Variants in CPVL observed in about 807,000 individuals in gnomAD.
CPVL encodes the protein carboxypeptidase vitellogenic like.
A neutral mutation model predicts 63.7 loss-of-function variants in CPVL; 51 were observed. That is an observed-to-expected ratio of 0.80 (90% CI 0.64 to 1.01). The LOEUF (loss-of-function observed/expected upper bound fraction) is 1.01. Among genes scored for constraint, CPVL ranks in the 50% least tolerant of loss-of-function variants. CPVL has a pLI of 0.00. For synonymous variants in CPVL, 195 were observed against 206.0 expected, an observed-to-expected ratio of 0.95 and a Z score of 0.46; for missense variants, 530 against 573.1, an observed-to-expected ratio of 0.92 and a Z score of 0.77.
At chr7:29,000,233 G>A (rs997371406) in intron 12 of CPVL, among the ~76,000 whole-genome samples, 1 of 152,002 alleles carries the variant, frequency 6.6e-6, no homozygotes, top group Non-Finnish European at 1.5e-5. Context: ...GCCAGTAAAG[G>A]TTTCCCAGTT....
intron 9 of CPVL, 53 bp downstream of exon 9, chr7:29,071,720 C>CCCCCCCCA: frequency 8.8e-7 from 1 of 1,140,098 alleles, no homozygotes; most frequent in Non-Finnish European, 1.2e-6. Context: ...CCCGCCCTCC[C>CCCCCCCCA]TCCCCAGATG....
At chr7:29,073,866 G>T (rs891468085) in intron 7 of CPVL, among the ~76,000 whole-genome samples, 1 of 152,174 alleles carries the variant, frequency 6.6e-6, no homozygotes, top group East Asian at 1.9e-4. Flanking sequence ...TTGAATGAAT[G>T]AATCTTAAAA....
intron 11 of CPVL, among the ~76,000 whole-genome samples, chr7:29,056,805 G>C (rs917278527): frequency 1.3e-5 from 2 of 152,160 alleles, no homozygotes; most frequent in Non-Finnish European, 2.9e-5. Flanking sequence ...CAGAATGAGA[G>C]TTCCTATTGC....
chr7:29,144,959 C>A (rs139366443), intron 1 of CPVL, among the ~76,000 whole-genome samples: 1 of 151,840 alleles, frequency 6.6e-6, no homozygotes, highest in Non-Finnish European at 1.5e-5. Context: ...CCCTCCCAAA[C>A]AATCATCTCC....
intron 11 of CPVL, among the ~76,000 whole-genome samples, 163 bp downstream of exon 11, chr7:29,063,898 T>C (rs140085023): frequency 1.2e-4 from 18 of 149,910 alleles, no homozygotes; most frequent in South Asian, 6.3e-4. Flanking sequence ...AGGAACAATA[T>C]AAAACTTTGA....
chr7:29,074,983 GATAA>G (rs1322132103), intron 7 of CPVL, among the ~76,000 whole-genome samples: 1 of 151,986 alleles, frequency 6.6e-6, no homozygotes, highest in Admixed American at 6.6e-5. Flanking sequence ...AAACACACTT[GATAA>G]ATGAATGACT....
chr7:29,004,896 C>CTTTTTTTTTTTTTTTTTTTTTT (rs555443117), intron 12 of CPVL, among the ~76,000 whole-genome samples: 2 of 144,852 alleles, frequency 1.4e-5, no homozygotes, highest in African/African-American at 5.1e-5. Context: ...TTTTTCTTTT[C>CTTTTTTTTTTTTTTTTTTTTTT]TTTTCTTTTT....
At chr7:29,073,662 T>C (rs1783965181) in intron 7 of CPVL, among the ~76,000 whole-genome samples, 1 of 152,222 alleles carries the variant, frequency 6.6e-6, no homozygotes, top group African/African-American at 2.4e-5. Flanking sequence ...CAATGTCCTA[T>C]ATTTTTTCTT....
rs188317986 is a variant in CPVL, at chr7:29,117,980, G to A, written c.169+2913C>T. Among the ~76,000 whole-genome samples the A allele has an allele frequency of 2.5e-3, 384 of 152,240 alleles. 1 individual carries two copies. The highest frequency in any genetic ancestry group is 4.4e-3 in the Non-Finnish European group (301 of 68,020). ...ACCGACAGGGATAGGTTCCTCCTCC[G>A]AATCTCCAGTGCACTTACTTTAAAT... On this transcript the variant is annotated intron_variant, in intron 2 of 12. Coordinates refer to ENST00000265394, the MANE Select transcript of CPVL (RefSeq NM_031311.5).
chr7:29,157,455 A>AGT (rs1794554837), intron 5 of CPVL, among the ~76,000 whole-genome samples: 1 of 36,732 alleles, frequency 2.7e-5, no homozygotes. Context: ...TAAGCTGGAA[A>AGT]CTTTAAAGTT....
chr7:29,078,427 G>A (rs1457892193), intron 7 of CPVL, among the ~76,000 whole-genome samples: 1 of 152,210 alleles, frequency 6.6e-6, no homozygotes, highest in East Asian at 1.9e-4. Context: ...GTGAAGCCAG[G>A]TGACTCAATG....
In CPVL at chr7:29,066,019, T is replaced by C. The variant is rs1298589165; in HGVS notation, c.963+4A>G. The C allele has an allele frequency of 1.4e-5, 21 of 1,528,906 alleles. No individual in the cohort carries two copies. Among genetic ancestry groups the C allele is most frequent in the African/African-American group, 2.8e-5 (2 of 71,950 alleles). The allele number at this position is 1,528,906 out of a possible 1,614,324, so 94.7% of individuals were successfully genotyped here. On this transcript the variant is annotated splice_donor_region_variant and intron_variant, in intron 10 of 12. Coordinates refer to ENST00000265394, the MANE Select transcript of CPVL (RefSeq NM_031311.5). ...CATTATTATGGTTTTTAAAATGTCA[T>C]TACCGTGCACCGCAAAAAGTTATAG...
intron 5 of CPVL, among the ~76,000 whole-genome samples, chr7:29,174,621 G>A (rs978710524): frequency 1.3e-5 from 2 of 152,190 alleles, no homozygotes; most frequent in African/African-American, 4.8e-5. Context: ...AGCACTTTGG[G>A]AGGCCGACTT....
chr7:29,178,468 C>T (rs998695084), intron 5 of CPVL, among the ~76,000 whole-genome samples: 2 of 152,106 alleles, frequency 1.3e-5, no homozygotes, highest in Non-Finnish European at 2.9e-5. Context: ...CTGACTCAGC[C>T]CTTTAAATCT....
intron 12 of CPVL, among the ~76,000 whole-genome samples, chr7:29,029,537 G>C (rs1173918055): frequency 6.6e-6 from 1 of 152,176 alleles, no homozygotes; most frequent in East Asian, 1.9e-4. Flanking sequence ...TATGTTAAAG[G>C]AAATAAGCCA....
chr7:29,014,235 G>C (rs558073573), intron 12 of CPVL, among the ~76,000 whole-genome samples: 2 of 152,336 alleles, frequency 1.3e-5, no homozygotes, highest in East Asian at 3.9e-4. Context: ...AAGAACCCGT[G>C]AAAGAGGACA....
intron 1 of CPVL, among the ~76,000 whole-genome samples, chr7:29,128,654 TG>T (rs561701558): frequency 1.7e-3 from 253 of 147,182 alleles, no homozygotes; most frequent in Middle Eastern, 0.011. Context: ...AGGTGGAGGT[TG>T]CATGAGCTGA....
intron 1 of CPVL, among the ~76,000 whole-genome samples, chr7:29,121,828 G>A (rs541730973): frequency 1.3e-5 from 2 of 152,032 alleles, no homozygotes; most frequent in South Asian, 2.1e-4. Context: ...TTGTATCAAA[G>A]AACAACAACA....
chr7:29,174,268 TCTGGAG>T (rs1796978386), intron 5 of CPVL, among the ~76,000 whole-genome samples: 1 of 152,170 alleles, frequency 6.6e-6, no homozygotes, highest in Non-Finnish European at 1.5e-5. Flanking sequence ...GCCCTCTGCC[TCTGGAG>T]GGGGGCCAGC....
Sources: allele counts gnomAD v4.1 joint callset (sites outside exome capture counted in the v4.1 genomes callset), GRCh38; gene constraint gnomAD v4.1.1; transcripts MANE v1.5; gene names NCBI Gene and HGNC (gene_info 2026-07-23, HGNC 2026-07-21).